The following LRIG2 variants were observed in gnomAD, a reference collection of about 807,000 sequenced individuals.
LRIG2 encodes the protein leucine rich repeats and immunoglobulin like domains 2, also known as leucine-rich repeats and immunoglobulin-like domains protein 2.
In LRIG2, 93 loss-of-function variants were observed where a neutral mutation model predicts 107.8. The ratio of observed to expected loss-of-function variants is 0.86; its 90% CI spans 0.73 to 1.03. LRIG2 has a LOEUF of 1.03. Among genes scored for constraint, LRIG2 ranks in the 50% least tolerant of loss-of-function variants. LRIG2 has a pLI of 0.00. For missense variants in LRIG2, 1,226 were observed against 1,296.0 expected, an observed-to-expected ratio of 0.95 and a Z score of 0.83; for synonymous variants, 471 against 470.6, an observed-to-expected ratio of 1.00 and a Z score of -0.01.
rs1655484290 is a variant in LRIG2, at chr1:113,126,270, T to A, written c.*2169T>A. On this transcript the variant is annotated 3_prime_UTR_variant, in exon 18 of 18. Coordinates refer to ENST00000361127, the MANE Select transcript of LRIG2 (RefSeq NM_014813.3). ...CAAAAGTCTGAGATGTATATTATCATGAAATATTTGTGAAATTTCTCACCA... is the reference window on the plus strand; with the variant it reads ...CAAAAGTCTGAGATGTATATTATCAAGAAATATTTGTGAAATTTCTCACCA... 1 of 152,624 alleles carries A rather than the reference T, an allele frequency of 6.6e-6. No homozygotes were observed. The highest frequency in any genetic ancestry group is 1.5e-5 in the Non-Finnish European group (1 of 68,212). The allele number at this position is 152,624 out of a possible 1,614,324, so 9.5% of individuals were successfully genotyped here. A position where few individuals can be genotyped will look rare whatever the true frequency, so the allele number is the denominator to read the frequency against.
intron 11 of LRIG2, among the ~76,000 whole-genome samples, chr1:113,104,610 C>T (rs984532877): frequency 9.9e-5 from 15 of 151,858 alleles, no homozygotes; most frequent in African/African-American, 2.7e-4. Flanking sequence ...CTCTGCCTTC[C>T]GGGTTCAAGC....
intron 16 of LRIG2, among the ~76,000 whole-genome samples, chr1:113,117,680 A>G (rs1655076385): frequency 6.6e-6 from 1 of 151,928 alleles, no homozygotes; most frequent in African/African-American, 2.4e-5. Flanking sequence ...GACGGGTTTC[A>G]CCATGTTGGT....
chr1:113,082,620 G>T (rs1373073836), intron 1 of LRIG2, among the ~76,000 whole-genome samples: 1 of 152,038 alleles, frequency 6.6e-6, no homozygotes, highest in African/African-American at 2.4e-5. Context: ...GAGGTGTCAC[G>T]CTATTATTTA....
In LRIG2 at chr1:113,112,667, G is replaced by C; in HGVS notation, c.1987G>C (p.Ala663Pro). 6.2e-7 allele frequency: 1 copy of C among 1,613,982 alleles called. No homozygotes were observed. Among genetic ancestry groups the C allele is most frequent in the Non-Finnish European group, 8.5e-7 (1 of 1,179,960 alleles). Reference protein sequence around the residue: ...VMPEDDVFFIANVKIEDMGIY... With the variant: ...VMPEDDVFFIPNVKIEDMGIY... ...GCCCGAGGATGACGTCTTCTTTATTGCCAATGTGAAAATAGAAGATATGGG... is the reference window on the plus strand; with the variant it reads ...GCCCGAGGATGACGTCTTCTTTATTCCCAATGTGAAAATAGAAGATATGGG... The change falls in exon 14 of 18, where the codon GCC becomes CCC. Residue 663 changes from alanine to proline, a missense_variant. Ala to Pro is a conservative substitution (Grantham distance 27). Transcript: ENST00000361127.
chr1:113,084,346 G>A (rs1653446045), intron 1 of LRIG2, among the ~76,000 whole-genome samples: 2 of 150,738 alleles, frequency 1.3e-5, no homozygotes, highest in African/African-American at 4.9e-5. Flanking sequence ...CTCCCGAGTA[G>A]CTGGGACTAC....
chr1:113,107,854 T>C, intron 12 of LRIG2, 97 bp downstream of exon 12: 1 of 1,089,380 alleles, frequency 9.2e-7, no homozygotes, highest in Non-Finnish European at 1.3e-6. Context: ...TAGGAATTTT[T>C]GTAATCATAC....
In LRIG2 at chr1:113,116,342, G is replaced by C; in HGVS notation, c.2586G>C (p.Leu862=). The change falls in exon 16 of 18, where the codon CTG becomes CTC. Residue 862 remains leucine (L), a synonymous_variant. Transcript: ENST00000361127. The part of the protein sequence containing the change: ...IPSYLSSQGT[L]SEPQEGYSNS... ...GCTACTTGTCTTCCCAAGGAACGCT[G>C]TCTGAGCCACAGGAAGGCTACAGCA... is the stretch of plus-strand genomic sequence containing the variant. The C allele has an allele frequency of 2.5e-6, 4 of 1,614,068 alleles. 1 individual carries two copies. The highest frequency in any genetic ancestry group is 1.7e-6 in the Non-Finnish European group (2 of 1,179,962).
chr1:113,106,598 G>A (rs1434365565), intron 11 of LRIG2, among the ~76,000 whole-genome samples: 3 of 152,004 alleles, frequency 2.0e-5, no homozygotes, highest in African/African-American at 7.2e-5. Flanking sequence ...TCTGCCTCCC[G>A]GGTTCAAGCA....
rs758618503 is a variant in LRIG2, at chr1:113,084,450, T to C, written c.240-6868T>C. Among the ~76,000 whole-genome samples the C allele has an allele frequency of 5.9e-5, 9 of 152,030 alleles. No homozygotes were observed. In the South Asian group the frequency reaches 6.2e-4, roughly 11 times the overall value. ...CAAGATGGTCTCGATCTCCTGACCT[T>C]GTGATCCGCCCGCCTCGGCCTCCCA... On this transcript the variant is annotated intron_variant, in intron 1 of 17. Coordinates refer to ENST00000361127, the MANE Select transcript of LRIG2 (RefSeq NM_014813.3).
intron 15 of LRIG2, among the ~76,000 whole-genome samples, chr1:113,115,338 C>T (rs1025759127): frequency 2.6e-5 from 4 of 152,084 alleles, no homozygotes; most frequent in Admixed American, 1.3e-4. Flanking sequence ...TCTCGGCCTT[C>T]TGAGAAGCGG....
At chr1:113,092,997 A>G (rs1339740755) in intron 2 of LRIG2, among the ~76,000 whole-genome samples, 1 of 152,006 alleles carries the variant, frequency 6.6e-6, no homozygotes, top group African/African-American at 2.4e-5. Context: ...TTCAAAAAAA[A>G]AAGAAAAAAA....
chr1:113,107,903 A>G (rs1654606015), intron 12 of LRIG2, 146 bp downstream of exon 12: 1 of 688,036 alleles, frequency 1.5e-6, no homozygotes. Context: ...AGGCATTTTA[A>G]TGAATGAAGG....
chr1:113,122,659 C>T (rs1341471063), intron 17 of LRIG2, among the ~76,000 whole-genome samples: 1 of 152,156 alleles, frequency 6.6e-6, no homozygotes, highest in African/African-American at 2.4e-5. Flanking sequence ...GAGAGTGCTT[C>T]GGCCCATTGG....
chr1:113,126,957 G>A lies in LRIG2; in HGVS notation c.*2856G>A, dbSNP rs1655505868. The A allele has an allele frequency of 6.5e-6, 1 of 153,794 alleles. No homozygotes were observed. The highest frequency in any genetic ancestry group is 2.4e-5 in the African/African-American group (1 of 41,436). The allele number at this position is 153,794 out of a possible 1,614,324, so 9.5% of individuals were successfully genotyped here. A position where few individuals can be genotyped will look rare whatever the true frequency, so the allele number is the denominator to read the frequency against. Reference sequence around the variant, plus strand: ...TTCATTGTCAGAATCTGAGTTTTCTGTCTTGAAGAACAGCTGGAAAGTTGT... The same window carrying A: ...TTCATTGTCAGAATCTGAGTTTTCTATCTTGAAGAACAGCTGGAAAGTTGT... On this transcript the variant is annotated 3_prime_UTR_variant, in exon 18 of 18. Coordinates refer to ENST00000361127, the MANE Select transcript of LRIG2 (RefSeq NM_014813.3).
At chr1:113,108,702 C>T (rs1050896486) in intron 12 of LRIG2, among the ~76,000 whole-genome samples, 2 of 151,688 alleles carry the variant, frequency 1.3e-5, no homozygotes, top group African/African-American at 2.4e-5. Context: ...CATGGCGAAA[C>T]CCTGACTCTA....
Position 113,125,599 on chromosome 1 carries a change from G to A in LRIG2, c.*1498G>A, listed in dbSNP as rs1452336662. ...AAAACTGGAGGCTGATTTAAAGATT[G>A]CAGAACTTGAGTCAGACTCATAAGC... is the stretch of plus-strand genomic sequence containing the variant. On this transcript the variant is annotated 3_prime_UTR_variant, in exon 18 of 18. Transcript: ENST00000361127. The A allele has an allele frequency of 6.6e-6, 1 of 152,188 alleles. No individual in the cohort carries two copies. The highest frequency in any genetic ancestry group is 2.4e-5 in the African/African-American group (1 of 41,446). The allele number at this position is 152,188 out of a possible 1,614,324, so 9.4% of individuals were successfully genotyped here.
In LRIG2 at chr1:113,129,075, C is replaced by G. The variant is rs1253883708; in HGVS notation, c.*4974C>G. On this transcript the variant is annotated 3_prime_UTR_variant, in exon 18 of 18. Coordinates refer to ENST00000361127, the MANE Select transcript of LRIG2 (RefSeq NM_014813.3). ...GTGGCTCACGCCTGTAATCCCAGCA[C>G]TTTGGGAGGCCGAGGTGGATGGATC... 2 of 152,124 alleles carry G rather than the reference C, an allele frequency of 1.3e-5. No individual in the cohort carries two copies. Among genetic ancestry groups the G allele is most frequent in the Non-Finnish European group, 2.9e-5 (2 of 68,110 alleles). The allele number at this position is 152,124 out of a possible 1,614,324, so 9.4% of individuals were successfully genotyped here. A position where few individuals can be genotyped will look rare whatever the true frequency, so the allele number is the denominator to read the frequency against.
chr1:113,093,637 GGGGCA>G, intron 4 of LRIG2, 73 bp downstream of exon 4: 1 of 211,556 alleles, frequency 4.7e-6, no homozygotes, highest in South Asian at 6.2e-5. Context: ...GTGGGGGGAG[GGGGCA>G]GGGATAGCAC....
intron 11 of LRIG2, among the ~76,000 whole-genome samples, chr1:113,104,190 C>T (rs1310637817): frequency 2.0e-5 from 3 of 152,198 alleles, no homozygotes; most frequent in Non-Finnish European, 4.4e-5. Flanking sequence ...CCTCTTACCA[C>T]CTTTAATGTT....
Sources: allele counts gnomAD v4.1 joint callset (sites outside exome capture counted in the v4.1 genomes callset), GRCh38; gene constraint gnomAD v4.1.1; transcripts MANE v1.5; gene names NCBI Gene and HGNC (gene_info 2026-07-23, HGNC 2026-07-21).